TRAK2: variants seen among roughly 807,000 people sequenced by gnomAD.
The protein encoded by TRAK2 is trafficking kinesin protein 2, also known as trafficking kinesin-binding protein 2.
TRAK2 carries 81 observed loss-of-function variants against 104.6 expected under a neutral mutation model. The observed-to-expected ratio is 0.77, with a 90% confidence interval of 0.65 to 0.93. The LOEUF (loss-of-function observed/expected upper bound fraction) is 0.93. Among genes scored for constraint, TRAK2 ranks in the 40% least tolerant of loss-of-function variants. TRAK2 has a pLI of 0.00. For synonymous variants in TRAK2, 406 were observed against 394.4 expected (o/e 1.03, Z -0.35); for missense variants, 1,002 against 1,089.0 (o/e 0.92, Z 1.12).
At chr2:201,433,748 G>C (rs755895964) in intron 1 of TRAK2, among the ~76,000 whole-genome samples, 7 of 152,116 alleles carry the variant, frequency 4.6e-5, no homozygotes, top group African/African-American at 1.7e-4. Context: ...TGTCAACCGC[G>C]GTTTTTGATA....
intron 10 of TRAK2, among the ~76,000 whole-genome samples, chr2:201,391,930 A>G (rs951325045): frequency 5.9e-5 from 9 of 152,196 alleles, no homozygotes; most frequent in Non-Finnish European, 1.0e-4. Flanking sequence ...TTAGTGAGAC[A>G]ACTGGAAAAA....
chr2:201,450,401 G>A (rs1952018803), intron 1 of TRAK2, among the ~76,000 whole-genome samples: 1 of 151,716 alleles, frequency 6.6e-6, no homozygotes, highest in South Asian at 2.1e-4. Context: ...GCGACAGAGC[G>A]AGACTCTGTC....
At chr2:201,408,114 T>A (rs1393570216) in intron 2 of TRAK2, among the ~76,000 whole-genome samples, 2 of 152,172 alleles carry the variant, frequency 1.3e-5, no homozygotes, top group South Asian at 2.1e-4. Flanking sequence ...TAATTTTGTA[T>A]CTGTTAACTA....
At chr2:201,405,321 C>A (rs1951584666) in intron 3 of TRAK2, among the ~76,000 whole-genome samples, 2 of 152,190 alleles carry the variant, frequency 1.3e-5, no homozygotes, top group African/African-American at 4.8e-5. Flanking sequence ...GTAATAATTT[C>A]TATGACCATA....
intron 2 of TRAK2, chr2:201,412,341 A>C (rs1951654657): frequency 3.8e-6 from 5 of 1,328,282 alleles, no homozygotes; most frequent in Non-Finnish European, 5.4e-6. Flanking sequence ...CAAAGAAGGG[A>C]ATCTTTGTCA....
intron 1 of TRAK2, among the ~76,000 whole-genome samples, chr2:201,442,985 C>T (rs1369024806): frequency 6.6e-6 from 1 of 152,156 alleles, no homozygotes; most frequent in Non-Finnish European, 1.5e-5. Context: ...CTATTCCTGC[C>T]TTCTCTAAAC....
intron 2 of TRAK2, chr2:201,411,250 T>A: frequency 1.4e-6 from 1 of 731,262 alleles, no homozygotes; most frequent in Non-Finnish European, 2.5e-6. Flanking sequence ...CCTTTCAACT[T>A]CTATGCCTGC....
intron 14 of TRAK2, among the ~76,000 whole-genome samples, chr2:201,385,468 ACC>A (rs1364250636): frequency 6.6e-6 from 1 of 151,994 alleles, no homozygotes; most frequent in Non-Finnish European, 1.5e-5. Flanking sequence ...GAGCTACCAC[ACC>A]CAGCCTGACC....
intron 10 of TRAK2, among the ~76,000 whole-genome samples, chr2:201,391,831 A>G (rs1951450723): frequency 6.6e-6 from 1 of 152,202 alleles, no homozygotes; most frequent in Non-Finnish European, 1.5e-5. Flanking sequence ...TAAACTGAGG[A>G]CATCCTACAA....
chr2:201,410,069 G>T (rs1229490514), intron 2 of TRAK2, among the ~76,000 whole-genome samples: 7 of 152,170 alleles, frequency 4.6e-5, no homozygotes, highest in Non-Finnish European at 1.5e-5. Context: ...AGGCCGAGGC[G>T]GGTGGATCAC....
At chr2:201,443,442 A>C (rs990478086) in intron 1 of TRAK2, among the ~76,000 whole-genome samples, 3 of 152,112 alleles carry the variant, frequency 2.0e-5, no homozygotes, top group Non-Finnish European at 2.9e-5. Flanking sequence ...CTTGGTCTTT[A>C]AATGTTAGTG....
At chr2:201,422,879 T>C (rs115136133) in intron 1 of TRAK2, among the ~76,000 whole-genome samples, 29 of 152,312 alleles carry the variant, frequency 1.9e-4, no homozygotes, top group African/African-American at 2.6e-4. Context: ...CAAACACTTC[T>C]GTGGTTATTG....
chr2:201,407,294 G>A, intron 3 of TRAK2, 109 bp downstream of exon 3: 1 of 880,306 alleles, frequency 1.1e-6, no homozygotes, highest in Admixed American at 2.7e-5. Context: ...ATAAAAGTAG[G>A]TATACACTGA....
rs142523148 is a variant in TRAK2 at position 201,392,933 on chromosome 2, G to A, written c.1089C>T (p.Ser363=). 243 of 1,612,618 alleles carry A rather than the reference G, an allele frequency of 1.5e-4. No individual in the cohort carries two copies. In the African/African-American group the frequency reaches 2.5e-3, roughly 17 times the overall value. Residue 363 remains serine (S), a synonymous_variant, in exon 10 of 16, where the codon TCC becomes TCT. Transcript: ENST00000332624. ...CCCCAGTAAAAGCTCCATATGATTGGGAGAAGTAGAGATGAGCAGTAGGGC... is the reference window on the plus strand; with the variant it reads ...CCCCAGTAAAAGCTCCATATGATTGAGAGAAGTAGAGATGAGCAGTAGGGC... ...RSGPTAHLYF[S]QSYGAFTGES... is the part of the protein sequence containing the mutation.
At chr2:201,421,979 G>A (rs374956907) in intron 1 of TRAK2, among the ~76,000 whole-genome samples, 1 of 151,266 alleles carries the variant, frequency 6.6e-6, no homozygotes, top group East Asian at 1.9e-4. Flanking sequence ...AGCCTGGGAG[G>A]CAGAGGTTGC....
At chr2:201,442,810 A>G (rs1265273363) in intron 1 of TRAK2, among the ~76,000 whole-genome samples, 1 of 152,208 alleles carries the variant, frequency 6.6e-6, no homozygotes, top group African/African-American at 2.4e-5. Context: ...GCACTTGCAC[A>G]CTTGTTGATC....
At position 201,393,052 on chromosome 2, in the gene TRAK2, AG is replaced by A; in HGVS notation, c.976-7del. The A allele has an allele frequency of 1.2e-6, 2 of 1,608,846 alleles. No individual in the cohort carries two copies. The highest frequency in any genetic ancestry group is 1.7e-6 in the Non-Finnish European group (2 of 1,177,378). ...CTGTCTTGTAACTCGTGCAGCTAAA[AG>A]AAAGGATGGTAGTGTACTTTATTGC... On this transcript the variant is annotated splice_region_variant and splice_polypyrimidine_tract_variant and intron_variant, in intron 9 of 15. Transcript: ENST00000332624.
At chr2:201,418,056 A>T (rs1465946578) in intron 2 of TRAK2, among the ~76,000 whole-genome samples, 1 of 152,270 alleles carries the variant, frequency 6.6e-6, no homozygotes, top group African/African-American at 2.4e-5. Context: ...GGACCTAAGT[A>T]AATGGAGATA....
At chr2:201,416,298 C>T (rs1576524240) in intron 2 of TRAK2, among the ~76,000 whole-genome samples, 1 of 150,416 alleles carries the variant, frequency 6.6e-6, no homozygotes, top group Admixed American at 6.6e-5. Flanking sequence ...CCAAGCTACT[C>T]AGGAGGCTGA....
Sources: gnomAD v4.1 joint callset for allele counts (sites outside exome capture counted in the v4.1 genomes callset) on GRCh38, gnomAD v4.1.1 for gene constraint, MANE v1.5 for transcripts, NCBI Gene and HGNC (gene_info 2026-07-23, HGNC 2026-07-21) for gene names.